Variants in ZC3H12B observed in about 807,000 individuals in gnomAD.
The protein encoded by ZC3H12B is zinc finger CCCH-type containing 12B, also known as probable ribonuclease ZC3H12B.
In ZC3H12B, 7 loss-of-function variants were observed where a neutral mutation model predicts 43.9. The ratio of observed to expected loss-of-function variants is 0.16; its 90% CI spans 0.09 to 0.30. The LOEUF (loss-of-function observed/expected upper bound fraction) is 0.30. ZC3H12B is among the 10% of genes least tolerant of loss of function. The probability of loss-of-function intolerance (pLI) is 1.00; values close to 1 mark genes in which losing one functional copy is unlikely to be tolerated. For missense variants in ZC3H12B, 475 were observed against 670.2 expected, an observed-to-expected ratio of 0.71 and a Z score of 3.22; for synonymous variants, 222 against 241.7, an observed-to-expected ratio of 0.92 and a Z score of 0.76.
the ZC3H12B span, chrX:65,185,698 A>T: frequency 2.7e-5 from 3 of 111,901 alleles, no homozygotes; most frequent in African/African-American, 9.7e-5. Flanking sequence ...AGCAGCATCT[A>T]ATAGTAGAGT....
At chrX:65,407,689 C>A (rs1436804227) in intron 3 of ZC3H12B, among the ~76,000 whole-genome samples, 2 of 113,682 alleles carry the variant, frequency 1.8e-5, no homozygotes, top group African/African-American at 3.2e-5. Context: ...CCAGGACTGG[C>A]GCCGCGCACG....
chrX:65,188,821 G>C, the ZC3H12B span, among the ~76,000 whole-genome samples: 1 of 102,368 alleles, frequency 9.8e-6, no homozygotes, highest in African/African-American at 3.6e-5. Flanking sequence ...TTTTATTTAA[G>C]TTTTAGGGTA....
Position 65,490,896 on chromosome X carries a change from C to G in ZC3H12B, c.608+1487C>G, listed in dbSNP as rs145049821. ...AAGCAGGGATCTTGCTTTGTTTTCCCATGGTATTGGGTGCTCCCACAGAGA... is the reference window on the plus strand; with the variant it reads ...AAGCAGGGATCTTGCTTTGTTTTCCGATGGTATTGGGTGCTCCCACAGAGA... On this transcript the variant is annotated intron_variant, in intron 1 of 4. Transcript: ENST00000338957. Among the ~76,000 whole-genome samples, 3 of 110,680 alleles carry G rather than the reference C, an allele frequency of 2.7e-5. No homozygotes were observed. In the East Asian group the frequency reaches 8.5e-4, roughly 31 times the overall value.
the ZC3H12B span, among the ~76,000 whole-genome samples, chrX:65,084,092 T>C: frequency 6.3e-4 from 71 of 111,949 alleles, no homozygotes; most frequent in African/African-American, 2.2e-3. Context: ...ACTCTTGCCA[T>C]ATACAAAAAT....
chrX:65,238,304 G>A, the ZC3H12B span, among the ~76,000 whole-genome samples: 4 of 111,286 alleles, frequency 3.6e-5, no homozygotes, highest in African/African-American at 9.8e-5. Context: ...GGGATTCAAC[G>A]TCTTTCTCAT....
the ZC3H12B span, among the ~76,000 whole-genome samples, chrX:65,102,608 C>A: frequency 1.8e-5 from 2 of 111,665 alleles, no homozygotes. Context: ...AAACAGAGAG[C>A]TAAATCATGA....
At chrX:65,453,400 A>G (rs1449753601) in intron 3 of ZC3H12B, among the ~76,000 whole-genome samples, 2 of 86,630 alleles carry the variant, frequency 2.3e-5, no homozygotes, top group African/African-American at 8.8e-5. Flanking sequence ...ATATATATAT[A>G]TATAAAATAG....
the ZC3H12B span, among the ~76,000 whole-genome samples, chrX:65,155,042 G>T: frequency 2.8e-5 from 3 of 107,088 alleles, no homozygotes; most frequent in East Asian, 3.0e-4. Flanking sequence ...TGAAACATCT[G>T]CCTCCTAAGC....
the ZC3H12B span, among the ~76,000 whole-genome samples, chrX:65,195,884 A>T: frequency 6.2e-5 from 7 of 112,099 alleles, no homozygotes; most frequent in Non-Finnish European, 1.3e-4. Context: ...TAGGCCTGGA[A>T]CCTGGCCTTT....
chrX:65,426,392 CAAAAAAAAA>C (rs58910748), intron 3 of ZC3H12B, among the ~76,000 whole-genome samples: 49 of 42,203 alleles, frequency 1.2e-3, no homozygotes, highest in African/African-American at 2.6e-3. Context: ...TAATTATTTC[CAAAAAAAAA>C]AAAAAAAAAA....
the ZC3H12B span, among the ~76,000 whole-genome samples, chrX:65,277,640 C>T: frequency 7.2e-5 from 8 of 111,033 alleles, no homozygotes; most frequent in Admixed American, 7.7e-4. Flanking sequence ...AAGACATTAA[C>T]AAATATAAAA....
At chrX:65,201,889 T>C in the ZC3H12B span, among the ~76,000 whole-genome samples, 1 of 105,933 alleles carries the variant, frequency 9.4e-6, no homozygotes, top group Non-Finnish European at 1.9e-5. Flanking sequence ...GATGCTTTCA[T>C]AAGGGGCTTC....
the ZC3H12B span, among the ~76,000 whole-genome samples, chrX:65,292,189 A>G: frequency 8.9e-6 from 1 of 112,073 alleles, no homozygotes; most frequent in East Asian, 2.8e-4. Context: ...ACATCTATGG[A>G]CTACTAGTCA....
At chrX:65,388,050 C>G (rs1283016464) in intron 2 of ZC3H12B, among the ~76,000 whole-genome samples, 1 of 111,909 alleles carries the variant, frequency 8.9e-6, no homozygotes, top group Non-Finnish European at 1.9e-5. Flanking sequence ...GTAACCTGAC[C>G]TTTCTCTCTG....
At chrX:65,070,860 A>G in the ZC3H12B span, among the ~76,000 whole-genome samples, 1 of 54,398 alleles carries the variant, frequency 1.8e-5, no homozygotes, top group Non-Finnish European at 3.3e-5. Flanking sequence ...GGGTTGTCTT[A>G]TGTCCAATTG....
At chrX:65,278,647 C>A in the ZC3H12B span, among the ~76,000 whole-genome samples, 2 of 111,400 alleles carry the variant, frequency 1.8e-5, no homozygotes, top group South Asian at 3.8e-4. Flanking sequence ...GATCATGTGG[C>A]TTTTATTTTA....
chrX:65,449,667 C>T (rs1399186128), intron 3 of ZC3H12B, among the ~76,000 whole-genome samples: 1 of 110,964 alleles, frequency 9.0e-6, no homozygotes, highest in Non-Finnish European at 1.9e-5. Context: ...GAATACTACT[C>T]TGCCATAAAT....
intron 3 of ZC3H12B, among the ~76,000 whole-genome samples, chrX:65,448,955 A>AAGAAAAAGAAAGAAAG (rs1556209273): frequency 3.4e-5 from 2 of 58,972 alleles, no homozygotes; most frequent in South Asian, 1.7e-3. Context: ...GAAAGAAAGA[A>AAGAAAAAGAAAGAAAG]AAAGAAAGAA....
chrX:65,124,626 T>C, the ZC3H12B span, among the ~76,000 whole-genome samples: 3 of 110,837 alleles, frequency 2.7e-5, no homozygotes, highest in Non-Finnish European at 5.7e-5. Flanking sequence ...GGACTTTTTT[T>C]TCTTGGCAAT....
Sources: gnomAD v4.1 joint callset for allele counts (sites outside exome capture counted in the v4.1 genomes callset) on GRCh38, gnomAD v4.1.1 for gene constraint, MANE v1.5 for transcripts, NCBI Gene and HGNC (gene_info 2026-07-23, HGNC 2026-07-21) for gene names.